FNIP1: variants seen among roughly 807,000 people sequenced by gnomAD.
The protein encoded by FNIP1 is folliculin-interacting protein 1.
In FNIP1, 40 loss-of-function variants were observed where a neutral mutation model predicts 124.5. The ratio of observed to expected loss-of-function variants is 0.32; its 90% CI spans 0.25 to 0.42. The LOEUF (loss-of-function observed/expected upper bound fraction) is 0.42. Ranked by LOEUF, FNIP1 falls within the 10% of genes least tolerant of loss-of-function variation. The pLI, the probability that FNIP1 is intolerant of heterozygous loss-of-function variation, is 1.00. For missense variants in FNIP1, 1,176 were observed against 1,403.7 expected (o/e 0.84, Z 2.59); for synonymous variants, 472 against 470.6 (o/e 1.00, Z -0.04).
chr5:131,780,658 T>C (rs1771967212), intron 1 of FNIP1, among the ~76,000 whole-genome samples: 1 of 152,156 alleles, frequency 6.6e-6, no homozygotes, highest in Admixed American at 6.5e-5. Context: ...ATCTTTGATG[T>C]TACTATTGTA....
At chr5:131,681,413 T>G (rs1286659517) in intron 11 of FNIP1, among the ~76,000 whole-genome samples, 1 of 152,008 alleles carries the variant, frequency 6.6e-6, no homozygotes, top group East Asian at 1.9e-4. Flanking sequence ...CATTCTCAAC[T>G]ACAGAGCGCA....
intron 11 of FNIP1, among the ~76,000 whole-genome samples, chr5:131,690,263 G>A (rs1049600182): frequency 5.3e-5 from 8 of 151,940 alleles, no homozygotes; most frequent in Non-Finnish European, 8.8e-5. Flanking sequence ...TAAAATAAAA[G>A]TTAAGGTATA....
Position 131,693,339 on chromosome 5 carries a change from T to C in FNIP1, c.1202+5578A>G, listed in dbSNP as rs1368951678. 2.4e-3 allele frequency among the ~76,000 whole-genome samples: 307 copies of C among 125,608 alleles called. 8 individuals carry two copies. The highest frequency in any genetic ancestry group is 8.4e-3 in the African/African-American group (278 of 33,270). 82.4% of individuals were successfully genotyped at this position (125,608 alleles called of 152,430 possible). On this transcript the variant is annotated intron_variant, in intron 11 of 17. Transcript: ENST00000510461. ...ATACACATATATATATATACATATA[T>C]ATATATATATATATATATATATAGT...
At chr5:131,752,736 A>G (rs1770919364) in intron 1 of FNIP1, among the ~76,000 whole-genome samples, 1 of 152,208 alleles carries the variant, frequency 6.6e-6, no homozygotes. Flanking sequence ...TGTGGAAATG[A>G]TAATTAACAG....
At chr5:131,722,965 T>A (rs1769724624) in intron 3 of FNIP1, among the ~76,000 whole-genome samples, 1 of 152,198 alleles carries the variant, frequency 6.6e-6, no homozygotes, top group Non-Finnish European at 1.5e-5. Context: ...ATTACAGGTG[T>A]GAGCCAACTC....
chr5:131,658,907 CAAAAAAAAAAAAAA>C (rs70974003), intron 15 of FNIP1, among the ~76,000 whole-genome samples: 12 of 41,184 alleles, frequency 2.9e-4, no homozygotes, highest in South Asian at 1.9e-3. Context: ...TGGGTCTAGC[CAAAAAAAAAAAAAA>C]AAAAAAAAAA....
intron 2 of FNIP1, among the ~76,000 whole-genome samples, chr5:131,742,332 T>G (rs537561166): frequency 7.6e-4 from 115 of 152,204 alleles, no homozygotes; most frequent in Non-Finnish European, 7.8e-4. Flanking sequence ...GGTGTGGTGG[T>G]GCACACCTGT....
intron 8 of FNIP1, 114 bp from the exon 9 acceptor site, chr5:131,706,660 C>A: frequency 9.0e-7 from 1 of 1,108,912 alleles, no homozygotes; most frequent in South Asian, 2.3e-5. Context: ...GCTTCATGAG[C>A]CTCAAAAATG....
chr5:131,671,447 A>G, intron 14 of FNIP1, 58 bp downstream of exon 14: 2 of 1,354,718 alleles, frequency 1.5e-6, no homozygotes, highest in Non-Finnish European at 2.0e-6. Flanking sequence ...GAACAGCTAA[A>G]AAAGAGAATG....
chr5:131,652,401 C>T (rs1252177510), intron 15 of FNIP1, among the ~76,000 whole-genome samples: 1 of 152,326 alleles, frequency 6.6e-6, no homozygotes, highest in East Asian at 1.9e-4. Context: ...TGTAGCCAGG[C>T]TGGAGTGCAG....
chr5:131,745,055 T>C (rs893661802), intron 1 of FNIP1, among the ~76,000 whole-genome samples: 3 of 152,020 alleles, frequency 2.0e-5, no homozygotes, highest in African/African-American at 7.2e-5. Flanking sequence ...TTAACCCATA[T>C]TTTTAAGTAG....
At chr5:131,744,469 T>C in intron 2 of FNIP1, 95 bp downstream of exon 2, 1 of 1,244,700 alleles carries the variant, frequency 8.0e-7, no homozygotes, top group African/African-American at 1.5e-5. Context: ...TCCAGTCATT[T>C]CCTTCTCCCT....
chr5:131,675,193 T>C (rs1396847728), intron 13 of FNIP1, among the ~76,000 whole-genome samples: 1 of 152,224 alleles, frequency 6.6e-6, no homozygotes, highest in Non-Finnish European at 1.5e-5. Flanking sequence ...GTCCTGTCCC[T>C]TTCCTCAATA....
intron 1 of FNIP1, among the ~76,000 whole-genome samples, chr5:131,790,290 G>A (rs1772361604): frequency 6.6e-6 from 1 of 151,838 alleles, no homozygotes; most frequent in Non-Finnish European, 1.5e-5. Context: ...ACTGGCCTGG[G>A]CAACGTGGCG....
intron 1 of FNIP1, among the ~76,000 whole-genome samples, chr5:131,760,519 T>C (rs1771191947): frequency 6.6e-6 from 1 of 152,164 alleles, no homozygotes; most frequent in African/African-American, 2.4e-5. Flanking sequence ...CATTTGACCA[T>C]CCATATATTT....
At chr5:131,688,670 C>A (rs1196036422) in intron 11 of FNIP1, among the ~76,000 whole-genome samples, 2 of 133,000 alleles carry the variant, frequency 1.5e-5, no homozygotes, top group African/African-American at 2.8e-5. Context: ...GATGGAAAGT[C>A]ATTTAAAAAA....
At chr5:131,721,102 G>A (rs1050465827) in intron 3 of FNIP1, among the ~76,000 whole-genome samples, 7 of 152,146 alleles carry the variant, frequency 4.6e-5, no homozygotes, top group Admixed American at 4.6e-4. Context: ...ACAGATGCAT[G>A]GATAAATGAA....
At chr5:131,750,700 C>T (rs1770845371) in intron 1 of FNIP1, among the ~76,000 whole-genome samples, 1 of 151,500 alleles carries the variant, frequency 6.6e-6, no homozygotes, top group Middle Eastern at 3.4e-3. Context: ...GCAACTTCTG[C>T]CTCCTGAGCT....
At chr5:131,648,353 A>C (rs1379275379) in intron 16 of FNIP1, among the ~76,000 whole-genome samples, 5 of 151,810 alleles carry the variant, frequency 3.3e-5, no homozygotes, top group Non-Finnish European at 7.4e-5. Context: ...GTTTAATGTC[A>C]ATTAACTTGC....
Sources: gnomAD v4.1 joint callset for allele counts (sites outside exome capture counted in the v4.1 genomes callset) on GRCh38, gnomAD v4.1.1 for gene constraint, MANE v1.5 for transcripts, NCBI Gene and HGNC (gene_info 2026-07-23, HGNC 2026-07-21) for gene names.